The following SYAP1 variants were observed in gnomAD, a reference collection of about 807,000 sequenced individuals.
SYAP1 encodes synapse-associated protein 1.
Under a neutral mutation model 29.6 loss-of-function variants are expected in SYAP1, and 3 were observed. The ratio of observed to expected loss-of-function variants is 0.10; its 90% CI spans 0.05 to 0.26. The LOEUF (loss-of-function observed/expected upper bound fraction) is 0.26. Among genes scored for constraint, SYAP1 ranks in the 10% least tolerant of loss-of-function variants. SYAP1 has a pLI of 1.00. For synonymous variants in SYAP1, 102 were observed against 102.7 expected (o/e 0.99, Z 0.04); for missense variants, 217 against 264.1 (o/e 0.82, Z 1.24).
At chrX:16,756,570 G>A in intron 6 of SYAP1, 93 bp from the exon 7 acceptor site, 2 of 751,672 alleles carry the variant, frequency 2.7e-6, no homozygotes, top group Non-Finnish European at 3.9e-6. Context: ...AAATTATTTA[G>A]TATCATAATA....
At chrX:16,740,153 C>T (rs1199332603) in intron 3 of SYAP1, among the ~76,000 whole-genome samples, 1 of 110,943 alleles carries the variant, frequency 9.0e-6, no homozygotes, top group African/African-American at 3.3e-5. Context: ...TCTTGTAGTT[C>T]TCACCTCTCC....
In SYAP1 at chrX:16,758,993, C is replaced by T. The variant is rs1302153683; in HGVS notation, c.932-1239C>T. On this transcript the variant is annotated intron_variant, in intron 8 of 8. Transcript: ENST00000380155. ...GGTCAGGAGATCGAGACCATCCTGG[C>T]TAACATGGTGAAACCCCGTCTCTAC... Among the ~76,000 whole-genome samples the T allele has an allele frequency of 1.6e-4, 16 of 103,174 alleles. No individual in the cohort carries two copies. The Admixed American group carries it at 1.6e-3, about 10-fold the overall frequency. 89.6% of individuals were successfully genotyped at this position (103,174 alleles called of 115,157 possible). A position where few individuals can be genotyped will look rare whatever the true frequency, so the allele number is the denominator to read the frequency against.
chrX:16,743,463 A>C (rs1569250491), intron 4 of SYAP1, among the ~76,000 whole-genome samples: 2 of 108,953 alleles, frequency 1.8e-5, no homozygotes, highest in Middle Eastern at 4.3e-3. Context: ...GTGAAACCCC[A>C]TCTCTACTAA....
intron 1 of SYAP1, among the ~76,000 whole-genome samples, chrX:16,720,690 A>G (rs1413093501): frequency 1.8e-5 from 2 of 112,005 alleles, no homozygotes; most frequent in African/African-American, 3.2e-5. Context: ...TCATTTCTGG[A>G]GAGACCATGG....
chrX:16,741,277 C>T (rs1354770662), intron 3 of SYAP1, among the ~76,000 whole-genome samples: 1 of 111,359 alleles, frequency 9.0e-6, no homozygotes, highest in Non-Finnish European at 1.9e-5. Flanking sequence ...CAGCTCACTA[C>T]AGCCTTGACT....
intron 1 of SYAP1, among the ~76,000 whole-genome samples, chrX:16,726,316 G>A (rs762979502): frequency 9.0e-6 from 1 of 111,386 alleles, no homozygotes; most frequent in Non-Finnish European, 1.9e-5. Context: ...ACTGGGTCCA[G>A]GTGCTGAGGT....
intron 8 of SYAP1, among the ~76,000 whole-genome samples, chrX:16,758,434 A>G (rs1270338074): frequency 1.9e-5 from 2 of 103,822 alleles, no homozygotes; most frequent in African/African-American, 7.2e-5. Flanking sequence ...TGCAACCTCC[A>G]CCTCCTGGAT....
chrX:16,749,721 T>C (rs1926687297), intron 5 of SYAP1, among the ~76,000 whole-genome samples: 2 of 109,727 alleles, frequency 1.8e-5, no homozygotes, highest in Non-Finnish European at 3.8e-5. Flanking sequence ...TTCGAGACCA[T>C]CCTGGCTAAC....
chrX:16,746,512 C>T (rs1303369017), intron 5 of SYAP1, among the ~76,000 whole-genome samples: 1 of 111,501 alleles, frequency 9.0e-6, no homozygotes, highest in Non-Finnish European at 1.9e-5. Context: ...GCTGGGATTA[C>T]AGGCGTGAGC....
chrX:16,755,004 C>T lies in SYAP1; in HGVS notation c.635C>T (p.Ser212Leu), dbSNP rs777021162. The change falls in exon 6 of 9, where the codon TCA becomes TTA. Residue 212 changes from serine (S) to leucine (L), a missense_variant. Ser to Leu is a moderately radical substitution (Grantham distance 145). Coordinates refer to ENST00000380155, the MANE Select transcript of SYAP1 (RefSeq NM_032796.4). ...YFYRVSLIKQ[S>L]AQLTALAAQQ... The stretch of plus-strand genomic sequence containing the variant: ...TACCGCGTCTCCCTGATTAAGCAGT[C>T]AGCCCAGCTCACGGCCCTGGCTGCC... 2.5e-6 allele frequency: 3 copies of T among 1,210,759 alleles called. No individual in the cohort carries two copies. The highest frequency in any genetic ancestry group is 3.4e-6 in the Non-Finnish European group (3 of 894,546).
intron 5 of SYAP1, among the ~76,000 whole-genome samples, chrX:16,751,975 C>CTTTTT (rs773120810): frequency 4.2e-4 from 24 of 56,649 alleles, no homozygotes; most frequent in African/African-American, 1.9e-3. Flanking sequence ...TGCACCCGGC[C>CTTTTT]TTTTTTTTTT....
At chrX:16,736,079 A>T in intron 2 of SYAP1, 87 bp from the exon 3 acceptor site, 1 of 604,442 alleles carries the variant, frequency 1.7e-6, no homozygotes, top group South Asian at 2.6e-5. Flanking sequence ...CATTTCATTT[A>T]TGTTGGTAGA....
intron 1 of SYAP1, among the ~76,000 whole-genome samples, chrX:16,720,780 TGAG>T (rs1227195025): frequency 9.0e-6 from 1 of 111,420 alleles, no homozygotes; most frequent in Non-Finnish European, 1.9e-5. Context: ...TTTGAGAGGC[TGAG>T]GTGGGCGGAT....
At position 16,757,396 on chromosome X, in the gene SYAP1, G is replaced by A; in HGVS notation, c.931+87G>A. The A allele has an allele frequency of 4.9e-6, 5 of 1,017,418 alleles. No individual in the cohort carries two copies. In the South Asian group the frequency reaches 1.2e-4, roughly 25 times the overall value. 83.8% of individuals were successfully genotyped at this position (1,017,418 alleles called of 1,213,427 possible). The stretch of plus-strand genomic sequence containing the variant: ...GTAGAAAATTGTTATTCTGAAGCCA[G>A]TGCACAAAAATGTGTTGTAAATTTT... On this transcript the variant is annotated intron_variant, in intron 8 of 8. Coordinates refer to ENST00000380155, the MANE Select transcript of SYAP1 (RefSeq NM_032796.4).
chrX:16,735,144 C>G, intron 1 of SYAP1, 83 bp from the exon 2 acceptor site: 1 of 595,428 alleles, frequency 1.7e-6, no homozygotes, highest in South Asian at 3.3e-5. Context: ...AGGAACATGC[C>G]CTAATGCTTT....
Position 16,741,509 on chromosome X carries a change from T to G in SYAP1, c.362-207T>G, listed in dbSNP as rs762895528. On this transcript the variant is annotated intron_variant, in intron 3 of 8. Coordinates refer to ENST00000380155, the MANE Select transcript of SYAP1 (RefSeq NM_032796.4). ...CCATGCCTGGCCTCAAGTAGAGTTT[T>G]TTTTTTTTTTACCAAATGCATATGT... Among the ~76,000 whole-genome samples the G allele has an allele frequency of 5.4e-5, 6 of 110,624 alleles. No individual in the cohort carries two copies. In the East Asian group the frequency reaches 8.5e-4, roughly 16 times the overall value.
intron 1 of SYAP1, among the ~76,000 whole-genome samples, chrX:16,727,326 G>A (rs1288013214): frequency 9.8e-6 from 1 of 101,802 alleles, no homozygotes; most frequent in Non-Finnish European, 2.0e-5. Context: ...TCCATAGAAG[G>A]AATCTGAGAT....
At chrX:16,727,220 A>G (rs1310671881) in intron 1 of SYAP1, among the ~76,000 whole-genome samples, 2 of 108,612 alleles carry the variant, frequency 1.8e-5, no homozygotes, top group Non-Finnish European at 3.8e-5. Context: ...TATAAAGTGC[A>G]GCAAGAAAAA....
In SYAP1 at chrX:16,719,897, G is replaced by T. The variant is rs1188697335; in HGVS notation, c.173G>T (p.Gly58Val). The T allele has an allele frequency of 8.5e-7, 1 of 1,182,148 alleles. No individual in the cohort carries two copies. Among genetic ancestry groups the T allele is most frequent in the Admixed American group, 2.4e-5 (1 of 41,231 alleles). ...CTCCTCCACCAGGCCAAAGACTTCGGCAGTGAGTCTACCCTGGCTCTGGGA... is the reference window on the plus strand; with the variant it reads ...CTCCTCCACCAGGCCAAAGACTTCGTCAGTGAGTCTACCCTGGCTCTGGGA... ...QELLHQAKDF[G>V]NYLFNFASAA... Residue 58 changes from glycine (G) to valine (V), a missense_variant and splice_region_variant, in exon 1 of 9, where the codon GGC becomes GTC. Transcript: ENST00000380155.
Sources: gnomAD v4.1 joint callset for allele counts (sites outside exome capture counted in the v4.1 genomes callset) on GRCh38, gnomAD v4.1.1 for gene constraint, MANE v1.5 for transcripts, NCBI Gene and HGNC (gene_info 2026-07-23, HGNC 2026-07-21) for gene names.